Variants in DCC observed in about 807,000 individuals in gnomAD.
DCC encodes DCC netrin 1 receptor, also known as netrin receptor DCC.
DCC carries 58 observed loss-of-function variants against 172.5 expected under a neutral mutation model. That is an observed-to-expected ratio of 0.34 (90% confidence interval 0.27 to 0.42). The LOEUF (loss-of-function observed/expected upper bound fraction) is 0.42, where lower values mean the gene tolerates loss of function less well. DCC is among the 10% of genes least tolerant of loss of function. DCC has a pLI of 1.00. For synonymous variants in DCC, 709 were observed against 644.5 expected, an observed-to-expected ratio of 1.10 and a Z score of -1.52; for missense variants, 1,740 against 1,791.0, an observed-to-expected ratio of 0.97 and a Z score of 0.51.
Position 53,511,877 on chromosome 18 carries a change from C to T in DCC, c.4111+12367C>T, listed in dbSNP as rs540286785. ...CTGAGATCAAACTGCAAGGCGGCAG[C>T]GAGGCTGGGGGAGGGGCGCCCGCCA... On this transcript the variant is annotated intron_variant, in intron 27 of 28. Transcript: ENST00000442544. Among the ~76,000 whole-genome samples the T allele has an allele frequency of 2.2e-3, 334 of 152,272 alleles. 3 individuals are homozygous for T. Among genetic ancestry groups the T allele is most frequent in the African/African-American group, 7.8e-3 (324 of 41,564 alleles).
At chr18:52,404,722 T>C (rs1345758866) in intron 1 of DCC, among the ~76,000 whole-genome samples, 1 of 151,722 alleles carries the variant, frequency 6.6e-6, no homozygotes. Flanking sequence ...GCAGGTTAGT[T>C]ACATATGTAT....
intron 5 of DCC, among the ~76,000 whole-genome samples, chr18:52,976,772 T>C (rs1180376695): frequency 1.3e-5 from 2 of 152,230 alleles, no homozygotes; most frequent in African/African-American, 4.8e-5. Flanking sequence ...ATATGTTCAC[T>C]TCTTAAAGTA....
chr18:53,163,498 A>G (rs1293384245), intron 8 of DCC, among the ~76,000 whole-genome samples: 2 of 152,178 alleles, frequency 1.3e-5, no homozygotes, highest in Non-Finnish European at 2.9e-5. Flanking sequence ...TTGACACAAT[A>G]CCTTTCTAAA....
intron 1 of DCC, among the ~76,000 whole-genome samples, chr18:52,711,967 ATT>A (rs74178681): frequency 6.8e-6 from 1 of 147,386 alleles, no homozygotes; most frequent in African/African-American, 2.5e-5. Flanking sequence ...TTCCCACTTA[ATT>A]TTTTTTTTTT....
intron 1 of DCC, among the ~76,000 whole-genome samples, chr18:52,716,373 G>C (rs564488812): frequency 1.3e-5 from 2 of 152,336 alleles, no homozygotes; most frequent in African/African-American, 4.8e-5. Context: ...ACCCATGACG[G>C]ACAGTAAAGG....
intron 12 of DCC, among the ~76,000 whole-genome samples, chr18:53,256,772 G>A (rs1364782419): frequency 6.6e-6 from 1 of 152,164 alleles, no homozygotes; most frequent in Non-Finnish European, 1.5e-5. Context: ...GCTTGATGGA[G>A]ATGGCATTGA....
At chr18:53,429,648 A>C (rs765608582) in intron 21 of DCC, among the ~76,000 whole-genome samples, 3 of 152,086 alleles carry the variant, frequency 2.0e-5, no homozygotes, top group Non-Finnish European at 4.4e-5. Flanking sequence ...ACTTTGGCTC[A>C]GAGTAGTTTA....
intron 1 of DCC, among the ~76,000 whole-genome samples, chr18:52,564,026 G>C (rs2033100149): frequency 6.6e-6 from 1 of 152,130 alleles, no homozygotes; most frequent in Non-Finnish European, 1.5e-5. Context: ...CATGTTGCTG[G>C]TTGTTACATT....
chr18:53,010,868 C>G (rs1330082766), intron 5 of DCC, among the ~76,000 whole-genome samples: 1 of 150,878 alleles, frequency 6.6e-6, no homozygotes, highest in Non-Finnish European at 1.5e-5. Flanking sequence ...TATTGATTGT[C>G]ATTATGGTTC....
At chr18:52,680,585 C>T (rs17749242) in intron 1 of DCC, among the ~76,000 whole-genome samples, 62,876 of 151,992 alleles carry the variant, frequency 0.41, 13,270 homozygotes, top group Non-Finnish European at 0.47. Context: ...CACCATTATA[C>T]CCAGCTCCAT....
chr18:53,323,323 C>T (rs924794043), intron 14 of DCC, among the ~76,000 whole-genome samples: 33 of 152,098 alleles, frequency 2.2e-4, no homozygotes, highest in African/African-American at 7.7e-4. Flanking sequence ...TTTCTATAGC[C>T]ACAAATTTGG....
intron 2 of DCC, among the ~76,000 whole-genome samples, chr18:52,769,582 T>C (rs2037307061): frequency 6.6e-6 from 1 of 152,196 alleles, no homozygotes; most frequent in Non-Finnish European, 1.5e-5. Flanking sequence ...TTTAATGCAA[T>C]TCAGTCTATC....
At chr18:53,259,809 C>T (rs1184558824) in intron 12 of DCC, among the ~76,000 whole-genome samples, 1 of 152,128 alleles carries the variant, frequency 6.6e-6, no homozygotes, top group Non-Finnish European at 1.5e-5. Context: ...AGTATGTTTT[C>T]CAACTTGGTT....
At chr18:52,446,565 G>T (rs1346373714) in intron 1 of DCC, among the ~76,000 whole-genome samples, 2 of 152,160 alleles carry the variant, frequency 1.3e-5, no homozygotes, top group Non-Finnish European at 2.9e-5. Context: ...TAATCCTAAA[G>T]AATACTTTTA....
chr18:53,230,703 AG>A (rs2056107552), intron 12 of DCC, among the ~76,000 whole-genome samples: 1 of 152,006 alleles, frequency 6.6e-6, no homozygotes, highest in Admixed American at 6.6e-5. Context: ...TTATATGTAA[AG>A]GGAGCAAATG....
chr18:53,144,462 G>A lies in DCC; in HGVS notation c.1262-12894G>A, dbSNP rs577896873. ...AAGAGCACGGGACATCTTACATGGC[G>A]GCAGGCAAGAGAGAGCTTGTGCAAA... On this transcript the variant is annotated intron_variant, in intron 7 of 28. Coordinates refer to ENST00000442544, the MANE Select transcript of DCC (RefSeq NM_005215.4). Among the ~76,000 whole-genome samples the A allele has an allele frequency of 4.6e-5, 7 of 152,186 alleles. No homozygotes were observed. The East Asian group carries it at 5.8e-4, about 13-fold the overall frequency.
At chr18:52,621,240 C>A (rs1241932092) in intron 1 of DCC, among the ~76,000 whole-genome samples, 1 of 152,196 alleles carries the variant, frequency 6.6e-6, no homozygotes, top group African/African-American at 2.4e-5. Flanking sequence ...ATCGATTTTT[C>A]TCTGACAGGA....
intron 26 of DCC, among the ~76,000 whole-genome samples, chr18:53,495,402 A>AAG (rs796630294): frequency 1.4e-4 from 21 of 151,164 alleles, no homozygotes; most frequent in African/African-American, 4.8e-4. Flanking sequence ...AAAAAAAAAA[A>AAG]AAAAGAAAGA....
intron 9 of DCC, among the ~76,000 whole-genome samples, chr18:53,203,645 A>T (rs544163682): frequency 1.7e-4 from 26 of 151,510 alleles, no homozygotes; most frequent in Admixed American, 2.6e-4. Context: ...CTGATCTAAG[A>T]AGTGTATCAA....
Sources: allele counts gnomAD v4.1 joint callset (sites outside exome capture counted in the v4.1 genomes callset), GRCh38; gene constraint gnomAD v4.1.1; transcripts MANE v1.5; gene names NCBI Gene and HGNC (gene_info 2026-07-23, HGNC 2026-07-21).